Variants in CDS1 observed in about 807,000 individuals in gnomAD.
CDS1 encodes CDP-diacylglycerol synthase 1.
Under a neutral mutation model 62.1 loss-of-function variants are expected in CDS1, and 41 were observed. The observed-to-expected ratio is 0.66, with a 90% CI of 0.51 to 0.86. The LOEUF is 0.86. Among genes scored for constraint, CDS1 ranks in the 40% least tolerant of loss-of-function variants. The pLI is 0.00. For synonymous variants in CDS1, 185 were observed against 192.6 expected (o/e 0.96, Z 0.32); for missense variants, 470 against 550.1 (o/e 0.85, Z 1.46).
chr4:84,594,749 A>G (rs1002932608), intron 1 of CDS1, among the ~76,000 whole-genome samples: 4 of 152,240 alleles, frequency 2.6e-5, no homozygotes, highest in African/African-American at 7.2e-5. Context: ...TTATCTTGCC[A>G]TATATACACA....
intron 2 of CDS1, 45 bp downstream of exon 2, chr4:84,604,415 C>T: frequency 6.3e-7 from 1 of 1,584,466 alleles, no homozygotes; most frequent in Non-Finnish European, 8.6e-7. Flanking sequence ...ACAAGATAGG[C>T]TTTGAGGTTA....
At chr4:84,610,996 TACTA>T (rs1214096456) in intron 3 of CDS1, among the ~76,000 whole-genome samples, 1 of 152,042 alleles carries the variant, frequency 6.6e-6, no homozygotes, top group African/African-American at 2.4e-5. Flanking sequence ...AAAAGAATAA[TACTA>T]AGAGAGCAAA....
chr4:84,612,043 C>T (rs1378839114), intron 3 of CDS1, among the ~76,000 whole-genome samples: 52 of 151,214 alleles, frequency 3.4e-4, no homozygotes, highest in Non-Finnish European at 4.4e-5. Flanking sequence ...GTGAAGGGAC[C>T]TTTGAGTATG....
At chr4:84,603,514 A>G (rs1305651684) in intron 1 of CDS1, among the ~76,000 whole-genome samples, 2 of 152,220 alleles carry the variant, frequency 1.3e-5, no homozygotes, top group South Asian at 2.1e-4. Context: ...AAAACTGAGC[A>G]TTAGATGACA....
At chr4:84,645,423 T>G in intron 12 of CDS1, 98 bp downstream of exon 12, 1 of 721,900 alleles carries the variant, frequency 1.4e-6, no homozygotes, top group South Asian at 1.6e-5. Flanking sequence ...TCAATGGTAA[T>G]CTACAATATT....
At chr4:84,616,810 C>A (rs1483409063) in intron 3 of CDS1, among the ~76,000 whole-genome samples, 1 of 152,216 alleles carries the variant, frequency 6.6e-6, no homozygotes, top group Non-Finnish European at 1.5e-5. Context: ...TTGCTGAATG[C>A]AGCAGTTTGA....
intron 5 of CDS1, among the ~76,000 whole-genome samples, chr4:84,624,283 A>AAAC (rs1723786518): frequency 7.0e-6 from 1 of 143,776 alleles, no homozygotes; most frequent in African/African-American, 2.6e-5. Flanking sequence ...CAAAAAAAAA[A>AAAC]AAACAAACAA....
At chr4:84,639,823 A>G (rs1187495657) in intron 9 of CDS1, among the ~76,000 whole-genome samples, 1 of 152,134 alleles carries the variant, frequency 6.6e-6, no homozygotes, top group African/African-American at 2.4e-5. Flanking sequence ...TTCATTTGCA[A>G]TGAAAATTTT....
At chr4:84,584,034 G>T (rs546089822) in intron 1 of CDS1, among the ~76,000 whole-genome samples, 16 of 152,270 alleles carry the variant, frequency 1.1e-4, no homozygotes, top group African/African-American at 3.1e-4. Flanking sequence ...CAGTATGATA[G>T]ATTTTGGAGG....
chr4:84,623,740 C>T (rs1003499297), intron 5 of CDS1, among the ~76,000 whole-genome samples: 7 of 152,144 alleles, frequency 4.6e-5, no homozygotes, highest in Admixed American at 4.6e-4. Context: ...TGCGGATTGG[C>T]GGGCTTAACT....
chr4:84,589,524 G>A (rs1281510672), intron 1 of CDS1, among the ~76,000 whole-genome samples: 1 of 152,056 alleles, frequency 6.6e-6, no homozygotes, highest in Non-Finnish European at 1.5e-5. Context: ...CTACCATTTG[G>A]GCTGATACTC....
At chr4:84,590,735 T>G (rs1296171800) in intron 1 of CDS1, among the ~76,000 whole-genome samples, 3 of 152,168 alleles carry the variant, frequency 2.0e-5, no homozygotes, top group Non-Finnish European at 4.4e-5. Context: ...TATAAGCAAG[T>G]TTTTAAAGGC....
intron 1 of CDS1, among the ~76,000 whole-genome samples, chr4:84,589,968 G>A (rs959518586): frequency 5.9e-5 from 9 of 152,146 alleles, no homozygotes; most frequent in African/African-American, 1.4e-4. Context: ...CCGCCACCAC[G>A]CCTGGCTAAT....
chr4:84,597,935 G>A (rs1486768192), intron 1 of CDS1, among the ~76,000 whole-genome samples: 1 of 151,960 alleles, frequency 6.6e-6, no homozygotes, highest in African/African-American at 2.4e-5. Flanking sequence ...GACCATCCTG[G>A]CTAAAACAGT....
chr4:84,586,604 C>T (rs1722431047), intron 1 of CDS1, among the ~76,000 whole-genome samples: 1 of 152,172 alleles, frequency 6.6e-6, no homozygotes, highest in Non-Finnish European at 1.5e-5. Context: ...ACTCGCAGAC[C>T]ACTCACCTGC....
rs567541375 is a variant in CDS1, at chr4:84,637,747, A to G, written c.811-1177A>G. ...ATTTATCAGGCTGGATTAATTGTATAATATACTTAGATAATTGAACAGTTA... is the reference window on the plus strand; with the variant it reads ...ATTTATCAGGCTGGATTAATTGTATGATATACTTAGATAATTGAACAGTTA... On this transcript the variant is annotated intron_variant, in intron 8 of 12. Coordinates refer to ENST00000295887, the MANE Select transcript of CDS1 (RefSeq NM_001263.4). Among the ~76,000 whole-genome samples, 7 of 152,332 alleles carry G rather than the reference A, an allele frequency of 4.6e-5. No homozygotes were observed. The East Asian group carries it at 1.4e-3, about 29-fold the overall frequency.
intron 1 of CDS1, among the ~76,000 whole-genome samples, chr4:84,586,094 A>G (rs1350589646): frequency 6.6e-6 from 1 of 152,144 alleles, no homozygotes; most frequent in East Asian, 1.9e-4. Context: ...CATTCTAGGC[A>G]CAGGGTTGCA....
At chr4:84,601,454 G>A (rs1722933864) in intron 1 of CDS1, among the ~76,000 whole-genome samples, 1 of 152,138 alleles carries the variant, frequency 6.6e-6, no homozygotes, top group Non-Finnish European at 1.5e-5. Context: ...ATGGCATGTT[G>A]GAAGCTGGAG....
intron 5 of CDS1, among the ~76,000 whole-genome samples, chr4:84,621,685 CCAAAGTGCTGGGATTACAGG>C (rs1220235902): frequency 1.3e-5 from 2 of 152,302 alleles, no homozygotes; most frequent in Admixed American, 1.3e-4. Flanking sequence ...CCTTGGCCTC[CCAAAGTGCTGGGATTACAGG>C]CACAAGCCAC....
Sources: allele counts gnomAD v4.1 joint callset (sites outside exome capture counted in the v4.1 genomes callset), GRCh38; gene constraint gnomAD v4.1.1; transcripts MANE v1.5; gene names NCBI Gene and HGNC (gene_info 2026-07-23, HGNC 2026-07-21).